The following ZFP64 variants were observed in gnomAD, a reference collection of about 807,000 sequenced individuals.
ZFP64 encodes ZFP64 zinc finger protein, also known as zinc finger protein 64.
ZFP64 carries 14 observed loss-of-function variants against 51.6 expected under a neutral mutation model. The ratio of observed to expected loss-of-function variants is 0.27; its 90% CI spans 0.18 to 0.42. The LOEUF (loss-of-function observed/expected upper bound fraction) is 0.42. ZFP64 is among the 10% of genes least tolerant of loss of function. ZFP64 has a pLI of 1.00. For missense variants in ZFP64, 754 were observed against 906.8 expected (o/e 0.83, Z 2.16); for synonymous variants, 375 against 361.4 (o/e 1.04, Z -0.43).
At position 52,191,651 on chromosome 20, in the gene ZFP64, A is replaced by G; in HGVS notation, c.-15T>C. 6.3e-7 allele frequency: 1 copy of G among 1,581,964 alleles called. No individual in the cohort carries two copies. Among genetic ancestry groups the G allele is most frequent in the East Asian group, 2.4e-5 (1 of 42,496 alleles). The stretch of plus-strand genomic sequence containing the variant: ...CTCGCGTTCATGGCCGCAGACTGGG[A>G]GGTCCCCGGCCGGCCGGGATGCCAA... On this transcript the variant is annotated 5_prime_UTR_variant, in exon 1 of 6. Coordinates refer to ENST00000216923, the MANE Select transcript of ZFP64 (RefSeq NM_018197.3). This position sits in a 1 kb window ranked among gnomAD's most constrained non-coding sequence, Gnocchi z 4.3.
At chr20:52,116,785 C>T (rs573767900) in intron 5 of ZFP64, among the ~76,000 whole-genome samples, 5 of 152,082 alleles carry the variant, frequency 3.3e-5, no homozygotes, top group Middle Eastern at 3.4e-3. Flanking sequence ...CATTTTAACA[C>T]GAGGCTGGGC....
intron 5 of ZFP64, among the ~76,000 whole-genome samples, chr20:52,123,126 G>A (rs530295224): frequency 1.3e-5 from 2 of 152,162 alleles, no homozygotes; most frequent in South Asian, 2.1e-4. Context: ...GAGTAGCTAG[G>A]ATTACAGGCA....
chr20:52,119,569 C>A lies in ZFP64; in HGVS notation c.764-20982G>T, dbSNP rs8183725. Among the ~76,000 whole-genome samples, 5 of 82,328 alleles carry A rather than the reference C, an allele frequency of 6.1e-5. No homozygotes were observed. The South Asian group carries it at 8.1e-4, about 13-fold the overall frequency. The allele number at this position is 82,328 out of a possible 152,430, so 54.0% of individuals were successfully genotyped here. ...ATATATATATACATATATATATATA[C>A]ACACACAACACACACACACACACAC... On this transcript the variant is annotated intron_variant, in intron 5 of 8. Coordinates refer to the ZFP64 transcript ENST00000361387.
At chr20:52,177,243 C>T (rs1983294026) in intron 2 of ZFP64, among the ~76,000 whole-genome samples, 1 of 152,132 alleles carries the variant, frequency 6.6e-6, no homozygotes, top group Non-Finnish European at 1.5e-5. Context: ...ATTTTAAACA[C>T]ATTTTCCAGG....
chr20:52,121,817 C>G (rs1333774786), intron 5 of ZFP64, among the ~76,000 whole-genome samples: 1 of 152,204 alleles, frequency 6.6e-6, no homozygotes, highest in Non-Finnish European at 1.5e-5. Context: ...CAATGTCTGG[C>G]TTCAAAGTTT....
chr20:52,135,288 C>T (rs1648548749), intron 5 of ZFP64, among the ~76,000 whole-genome samples: 1 of 152,178 alleles, frequency 6.6e-6, no homozygotes, highest in South Asian at 2.1e-4. Context: ...CAGCCACGCC[C>T]ACTGCCCTGA....
intron 2 of ZFP64, among the ~76,000 whole-genome samples, chr20:52,171,347 G>T (rs1048857655): frequency 5.3e-5 from 8 of 151,948 alleles, no homozygotes; most frequent in African/African-American, 9.7e-5. Flanking sequence ...TCCCCAGGGG[G>T]TGTGTGTGCA....
chr20:52,159,423 TCTC>T (rs758042367), intron 5 of ZFP64, among the ~76,000 whole-genome samples: 9 of 152,218 alleles, frequency 5.9e-5, no homozygotes, highest in Non-Finnish European at 1.0e-4. Flanking sequence ...ATTTCATGCA[TCTC>T]CTCAATTACA....
intron 5 of ZFP64, among the ~76,000 whole-genome samples, chr20:52,108,516 TTTTTC>T (rs1188352237): frequency 6.6e-6 from 1 of 152,050 alleles, no homozygotes; most frequent in African/African-American, 2.4e-5. Context: ...CCTTTTTTTT[TTTTTC>T]TTTTGAGACG....
chr20:52,114,179 G>C (rs369400930), intron 5 of ZFP64, among the ~76,000 whole-genome samples: 6 of 152,216 alleles, frequency 3.9e-5, no homozygotes, highest in Admixed American at 2.0e-4. Flanking sequence ...TATGATTAAA[G>C]AAATGTTAGT....
intron 7 of ZFP64, among the ~76,000 whole-genome samples, chr20:52,090,533 G>C (rs563591745): frequency 6.9e-4 from 105 of 152,230 alleles, no homozygotes; most frequent in Non-Finnish European, 1.3e-3. Context: ...GGGCATGGTG[G>C]CTCACACCTG....
exon 9 of ZFP64, chr20:52,084,929 G>A: frequency 6.2e-7 from 1 of 1,613,748 alleles, no homozygotes; most frequent in Non-Finnish European, 8.5e-7. Flanking sequence ...CACACTTGAA[G>A]GGACGGTCCT....
intron 5 of ZFP64, chr20:52,105,318 C>G (rs530623159): frequency 1.0e-5 from 13 of 1,254,684 alleles, no homozygotes; most frequent in East Asian, 9.5e-5. Context: ...GAAATTACCC[C>G]CCTTCGGCCG....
chr20:52,159,266 T>A (rs1166433043), intron 5 of ZFP64, among the ~76,000 whole-genome samples: 1 of 152,262 alleles, frequency 6.6e-6, no homozygotes, highest in Non-Finnish European at 1.5e-5. Flanking sequence ...AAGTATGTAA[T>A]TTATTGAGTT....
chr20:52,112,058 G>C (rs1470445712), intron 5 of ZFP64, among the ~76,000 whole-genome samples: 1 of 145,938 alleles, frequency 6.9e-6, no homozygotes, highest in Non-Finnish European at 1.5e-5. Context: ...CTCCAGCCTG[G>C]GCAACAGAGC....
intron 7 of ZFP64, among the ~76,000 whole-genome samples, chr20:52,090,091 G>A (rs912446853): frequency 6.6e-6 from 1 of 152,210 alleles, no homozygotes; most frequent in Non-Finnish European, 1.5e-5. Flanking sequence ...GTTCTAGATG[G>A]TCCAGGATAG....
Position 52,098,484 on chromosome 20 carries a change from T to C in ZFP64, c.867A>G (p.Glu289=), listed in dbSNP as rs1053723024. The change falls in exon 6 of 9, where the codon GAA becomes GAG. Residue 289 remains glutamate, a synonymous_variant. Transcript: ENST00000361387. ...TCCTCTCTCCAAGGGTGGCCATTTGTTCCCTTGCCTCTGAGGGAAGAGTGA... is the reference window on the plus strand; with the variant it reads ...TCCTCTCTCCAAGGGTGGCCATTTGCTCCCTTGCCTCTGAGGGAAGAGTGA... 3 of 1,614,148 alleles carry C rather than the reference T, an allele frequency of 1.9e-6. No individual in the cohort carries two copies. The South Asian group carries it at 3.3e-5, about 18-fold the overall frequency.
At chr20:52,105,989 T>G (rs562873458) in intron 5 of ZFP64, among the ~76,000 whole-genome samples, 1 of 152,180 alleles carries the variant, frequency 6.6e-6, no homozygotes, top group Admixed American at 6.5e-5. Flanking sequence ...AAATGAGGAG[T>G]GTCTCCAACT....
Position 52,151,955 on chromosome 20 carries a change from T to C in ZFP64, c.*191A>G, listed in dbSNP as rs1180993288. 2.3e-6 allele frequency: 3 copies of C among 1,280,016 alleles called. No individual in the cohort carries two copies. Among genetic ancestry groups the C allele is most frequent in the African/African-American group, 1.5e-5 (1 of 66,512 alleles). 79.3% of individuals were successfully genotyped at this position (1,280,016 alleles called of 1,614,324 possible). A position where few individuals can be genotyped will look rare whatever the true frequency, so the allele number is the denominator to read the frequency against. On this transcript the variant is annotated 3_prime_UTR_variant, in exon 6 of 6. Coordinates refer to ENST00000216923, the MANE Select transcript of ZFP64 (RefSeq NM_018197.3). The stretch of plus-strand genomic sequence containing the variant: ...GGAGGGCTGAGGCATGAGAATCGCT[T>C]GAACCTGGGAGGCGGACGTTGCAGT...
Sources: gnomAD v4.1 joint callset for allele counts (sites outside exome capture counted in the v4.1 genomes callset) on GRCh38, gnomAD v4.1.1 for gene constraint, Gnocchi (gnomAD v3.1) non-coding constraint, MANE v1.5 for transcripts, NCBI Gene and HGNC (gene_info 2026-07-23, HGNC 2026-07-21) for gene names.